Variants in EPHA6 observed in about 807,000 individuals in gnomAD.
EPHA6 encodes the protein EPH receptor A6, also known as ephrin type-A receptor 6.
In EPHA6, 50 loss-of-function variants were observed where a neutral mutation model predicts 112.0. The ratio of observed to expected loss-of-function variants is 0.45; its 90% CI spans 0.36 to 0.56. The LOEUF is 0.56. EPHA6 is among the 20% of genes least tolerant of loss of function. EPHA6 has a pLI of 0.00. For missense variants in EPHA6, 1,280 were observed against 1,417.4 expected (o/e 0.90, Z 1.56); for synonymous variants, 529 against 490.7 (o/e 1.08, Z -1.03).
intron 14 of EPHA6, among the ~76,000 whole-genome samples, chr3:97,669,008 A>C (rs922323953): frequency 4.6e-5 from 7 of 150,936 alleles, no homozygotes; most frequent in Non-Finnish European, 7.4e-5. Context: ...CTAATTATTA[A>C]AGCTTCTGGT....
intron 5 of EPHA6, among the ~76,000 whole-genome samples, chr3:97,308,641 A>G (rs1199344163): frequency 6.6e-6 from 1 of 151,748 alleles, no homozygotes; most frequent in Non-Finnish European, 1.5e-5. Flanking sequence ...AATAAAATGA[A>G]TACTCCCTCT....
intron 3 of EPHA6, among the ~76,000 whole-genome samples, chr3:97,148,384 G>T (rs2076092877): frequency 6.6e-6 from 1 of 151,978 alleles, no homozygotes; most frequent in Non-Finnish European, 1.5e-5. Flanking sequence ...GAAGAGGGAG[G>T]ATCATTAAGC....
intron 6 of EPHA6, among the ~76,000 whole-genome samples, chr3:97,438,746 T>C (rs151012299): frequency 1.3e-3 from 197 of 152,308 alleles, no homozygotes; most frequent in African/African-American, 4.7e-3. Flanking sequence ...CATTGATAGT[T>C]ACTCTTAAAA....
chr3:97,393,224 A>G (rs1401615670), intron 5 of EPHA6, among the ~76,000 whole-genome samples: 1 of 151,862 alleles, frequency 6.6e-6, no homozygotes, highest in African/African-American at 2.4e-5. Flanking sequence ...ACAAGTAATA[A>G]TAAGGTCAGA....
intron 3 of EPHA6, among the ~76,000 whole-genome samples, chr3:97,042,744 G>T (rs1477159001): frequency 6.6e-6 from 1 of 152,068 alleles, no homozygotes. Flanking sequence ...CTCTCACTAG[G>T]CTATGAGTAG....
chr3:97,330,726 G>A (rs1387365671), intron 5 of EPHA6, among the ~76,000 whole-genome samples: 1 of 151,992 alleles, frequency 6.6e-6, no homozygotes, highest in African/African-American at 2.4e-5. Context: ...CCCAATACAG[G>A]AGCACCCAGA....
chr3:97,719,911 A>G (rs1164828818), intron 14 of EPHA6, among the ~76,000 whole-genome samples: 2 of 152,168 alleles, frequency 1.3e-5, no homozygotes, highest in African/African-American at 4.8e-5. Flanking sequence ...ATGTTTAATG[A>G]GTGTTGAACG....
chr3:97,360,781 T>C lies in EPHA6; in HGVS notation c.1607-44369T>C, dbSNP rs534755650. On this transcript the variant is annotated intron_variant, in intron 5 of 17. Transcript: ENST00000389672. ...TCAAAGGAATCAACTATATAGGACA[T>C]AATCTCATGTAGTATTTATATAGTA... Among the ~76,000 whole-genome samples, 4 of 152,346 alleles carry C rather than the reference T, an allele frequency of 2.6e-5. No homozygotes were observed. The South Asian group carries it at 8.3e-4, about 32-fold the overall frequency.
Position 97,592,723 on chromosome 3 carries a change from C to G in EPHA6, c.2498C>G (p.Pro833Arg). ...GTGCCAGGGGGAGGATCTTTGCCCCCCAGGATTCCTGCTGGTAGGTATTTC... is the reference window on the plus strand; with the variant it reads ...GTGCCAGGGGGAGGATCTTTGCCCCGCAGGATTCCTGCTGGTAGGTATTTC... ...HPVPGGGSLP[P>R]RIPAGRPVMI... Residue 833 changes from proline (P) to arginine (R), a missense_variant, in exon 12 of 18, where the codon CCC (proline) becomes CGC (arginine). Pro to Arg is a moderately radical substitution (Grantham distance 103). This residue lies in a region of EPHA6 where 878 missense variants were observed against 999.7 expected (regional missense o/e 0.88). Coordinates refer to ENST00000389672, the MANE Select transcript of EPHA6 (RefSeq NM_001080448.3). The G allele has an allele frequency of 6.3e-7, 1 of 1,596,416 alleles. No homozygotes were observed. The highest frequency in any genetic ancestry group is 1.1e-5 in the South Asian group (1 of 88,116).
At chr3:96,981,903 C>T (rs542358798) in intron 2 of EPHA6, among the ~76,000 whole-genome samples, 1 of 151,910 alleles carries the variant, frequency 6.6e-6, no homozygotes, top group Admixed American at 6.6e-5. Context: ...TGGTGATATC[C>T]CCTTTATCAT....
At chr3:97,163,447 A>G (rs1194661257) in intron 3 of EPHA6, among the ~76,000 whole-genome samples, 1 of 152,188 alleles carries the variant, frequency 6.6e-6, no homozygotes, top group Non-Finnish European at 1.5e-5. Context: ...TCAAAATTAT[A>G]TTATACTCTT....
intron 5 of EPHA6, chr3:97,244,655 T>C: frequency 3.5e-6 from 1 of 283,854 alleles, no homozygotes. Context: ...GCTGCCATCC[T>C]TTTTGCATGT....
At chr3:97,012,607 G>GTGTGTATATA (rs368002096) in intron 3 of EPHA6, among the ~76,000 whole-genome samples, 54 of 132,086 alleles carry the variant, frequency 4.1e-4, no homozygotes, top group African/African-American at 1.7e-3. Context: ...GTGTGTGTGT[G>GTGTGTATATA]TATATATATA....
At chr3:97,388,617 A>G (rs1026448344) in intron 5 of EPHA6, among the ~76,000 whole-genome samples, 1 of 152,128 alleles carries the variant, frequency 6.6e-6, no homozygotes, top group Admixed American at 6.6e-5. Context: ...TTCTTATCCT[A>G]TTGCTGACTT....
intron 12 of EPHA6, 88 bp downstream of exon 12, chr3:97,592,825 T>G: frequency 7.4e-7 from 1 of 1,345,474 alleles, no homozygotes; most frequent in Non-Finnish European, 9.9e-7. Flanking sequence ...AAAATGAATA[T>G]TGCTTAAATA....
intron 3 of EPHA6, among the ~76,000 whole-genome samples, chr3:97,090,033 AAT>A (rs1298589959): frequency 2.0e-5 from 3 of 152,054 alleles, no homozygotes; most frequent in African/African-American, 7.2e-5. Flanking sequence ...TTCTTAATGT[AAT>A]TATATTTAAT....
intron 1 of EPHA6, among the ~76,000 whole-genome samples, chr3:96,825,728 G>T (rs1008815762): frequency 6.6e-6 from 1 of 151,838 alleles, no homozygotes; most frequent in African/African-American, 2.4e-5. Context: ...CAGATTACCC[G>T]TGATTAGCTG....
chr3:97,735,883 T>G (rs779775747), intron 15 of EPHA6, 42 bp from the exon 16 acceptor site: 6 of 1,438,598 alleles, frequency 4.2e-6, no homozygotes, highest in South Asian at 1.5e-5. Context: ...TATGTATTAC[T>G]GCCTAAAAAT....
chr3:97,404,864 T>C (rs533340505), intron 5 of EPHA6, among the ~76,000 whole-genome samples: 1 of 152,276 alleles, frequency 6.6e-6, no homozygotes, highest in South Asian at 2.1e-4. Flanking sequence ...AAAACCATTT[T>C]AAAGAAAAAT....
Sources: allele counts gnomAD v4.1 joint callset (sites outside exome capture counted in the v4.1 genomes callset), GRCh38; gene constraint gnomAD v4.1.1; regional missense constraint gnomAD v4.1.1; transcripts MANE v1.5; gene names NCBI Gene and HGNC (gene_info 2026-07-23, HGNC 2026-07-21).